Variants in GRM7 observed in about 807,000 individuals in gnomAD.
The protein encoded by GRM7 is glutamate metabotropic receptor 7.
GRM7 carries 35 observed loss-of-function variants against 84.5 expected under a neutral mutation model. The ratio of observed to expected loss-of-function variants is 0.41; its 90% confidence interval spans 0.32 to 0.55. GRM7 has a LOEUF of 0.55. Among genes scored for constraint, GRM7 ranks in the 20% least tolerant of loss-of-function variants. The probability of loss-of-function intolerance (pLI) is 0.19; values close to 1 mark genes in which losing one functional copy is unlikely to be tolerated. For synonymous variants in GRM7, 487 were observed against 455.1 expected (o/e 1.07, Z -0.89); for missense variants, 1,003 against 1,194.6 (o/e 0.84, Z 2.36).
At chr3:7,003,418 A>C (rs1228613972) in intron 1 of GRM7, among the ~76,000 whole-genome samples, 1 of 152,122 alleles carries the variant, frequency 6.6e-6, no homozygotes, top group Non-Finnish European at 1.5e-5. Context: ...TTGTAAAAAA[A>C]AAAAGTTTTA....
intron 2 of GRM7, among the ~76,000 whole-genome samples, chr3:7,153,479 C>G (rs1020840267): frequency 9.9e-5 from 15 of 152,060 alleles, no homozygotes; most frequent in African/African-American, 3.6e-4. Flanking sequence ...TTTCAACACT[C>G]GATACCCAGA....
intron 8 of GRM7, among the ~76,000 whole-genome samples, chr3:7,654,876 T>A (rs1367266856): frequency 6.6e-6 from 1 of 152,238 alleles, no homozygotes; most frequent in Non-Finnish European, 1.5e-5. Flanking sequence ...CCCACACATA[T>A]ATTTTACTTC....
At chr3:6,965,988 T>A (rs966226483) in intron 1 of GRM7, among the ~76,000 whole-genome samples, 9 of 152,158 alleles carry the variant, frequency 5.9e-5, no homozygotes, top group Non-Finnish European at 1.2e-4. Flanking sequence ...ACCCTATCCT[T>A]TGTGCCAAGG....
chr3:7,006,590 C>T (rs1225223038), intron 1 of GRM7, among the ~76,000 whole-genome samples: 1 of 152,168 alleles, frequency 6.6e-6, no homozygotes, highest in Non-Finnish European at 1.5e-5. Flanking sequence ...AATCCTTTTT[C>T]TCCTTTCTTA....
chr3:7,403,831 G>GGATAGATAGATA (rs537042589), intron 4 of GRM7, among the ~76,000 whole-genome samples: 84 of 150,880 alleles, frequency 5.6e-4, no homozygotes, highest in Admixed American at 2.7e-3. Flanking sequence ...GTGGATGGAT[G>GGATAGATAGATA]GATAGATAGA....
At chr3:7,011,120 A>T (rs1695354319) in intron 1 of GRM7, among the ~76,000 whole-genome samples, 1 of 152,156 alleles carries the variant, frequency 6.6e-6, no homozygotes, top group African/African-American at 2.4e-5. Context: ...TGGATCTCTT[A>T]CCTGACAAAA....
At chr3:7,440,913 C>G (rs1310738769) in intron 5 of GRM7, among the ~76,000 whole-genome samples, 1 of 152,084 alleles carries the variant, frequency 6.6e-6, no homozygotes, top group Non-Finnish European at 1.5e-5. Context: ...AAATACAAGT[C>G]AATGCCATGT....
Position 7,667,289 on chromosome 3 carries a change from A to G in GRM7, c.2452-12760A>G, listed in dbSNP as rs868860631. ...TCTGTTAAAAAAAAAAAAGAGAGAG[A>G]GAGAGAGAGAAAAGATAAGCATCTA... On this transcript the variant is annotated intron_variant, in intron 8 of 9. Transcript: ENST00000357716. 1.5e-4 allele frequency among the ~76,000 whole-genome samples: 23 copies of G among 149,882 alleles called. No homozygotes were observed. The South Asian group carries it at 3.8e-3, about 25-fold the overall frequency.
At chr3:7,489,971 T>A (rs964412363) in intron 7 of GRM7, among the ~76,000 whole-genome samples, 2 of 151,814 alleles carry the variant, frequency 1.3e-5, no homozygotes, top group African/African-American at 4.8e-5. Flanking sequence ...AAAATATGTA[T>A]ATACCCTCTA....
At chr3:7,693,144 TTGA>T (rs1228813562) in intron 9 of GRM7, among the ~76,000 whole-genome samples, 2 of 152,156 alleles carry the variant, frequency 1.3e-5, no homozygotes, top group Non-Finnish European at 2.9e-5. Flanking sequence ...TTGAAATCCA[TTGA>T]TGATCATATT....
At chr3:7,590,397 TC>T (rs1467425871) in intron 8 of GRM7, among the ~76,000 whole-genome samples, 1 of 152,142 alleles carries the variant, frequency 6.6e-6, no homozygotes, top group Non-Finnish European at 1.5e-5. Context: ...CCTCATCCAT[TC>T]ATCTACGTAC....
intron 1 of GRM7, among the ~76,000 whole-genome samples, chr3:7,102,475 G>A (rs1022308550): frequency 6.6e-6 from 1 of 151,628 alleles, no homozygotes; most frequent in African/African-American, 2.4e-5. Context: ...TTTGGTTTTC[G>A]GGAGTTTGGC....
At position 6,862,993 on chromosome 3, in the gene GRM7, C is replaced by A. The variant is rs1220686317; in HGVS notation, c.519+1086C>A. The A allele has an allele frequency of 2.2e-6, 1 of 456,442 alleles. No individual in the cohort carries two copies. The highest frequency in any genetic ancestry group is 2.0e-5 in the African/African-American group (1 of 50,084). The allele number at this position is 456,442 out of a possible 1,614,324, so 28.3% of individuals were successfully genotyped here. ...CAGCCTCTGCCCCATGGCTCCTGAG[C>A]TGCACTGGGTAGGAATGAGTGGCTT... On this transcript the variant is annotated intron_variant, in intron 1 of 9. Coordinates refer to ENST00000357716, the MANE Select transcript of GRM7 (RefSeq NM_000844.4). This position sits in a 1 kb window ranked among gnomAD's most constrained non-coding sequence, Gnocchi z 5.2.
In GRM7 at chr3:7,449,808, G is replaced by A. The variant is rs185959971; in HGVS notation, c.1175-2799G>A. On this transcript the variant is annotated intron_variant, in intron 5 of 9. Coordinates refer to ENST00000357716, the MANE Select transcript of GRM7 (RefSeq NM_000844.4). ...TTTCTCACATTGCATAACAAAATAC[G>A]TTCCAAGTGAGTCAAATATTTAACT... is the stretch of plus-strand genomic sequence containing the variant. Among the ~76,000 whole-genome samples the A allele has an allele frequency of 7.2e-5, 11 of 152,150 alleles. No individual in the cohort carries two copies. The East Asian group carries it at 1.3e-3, about 19-fold the overall frequency.
At chr3:7,037,131 G>A (rs1304111407) in intron 1 of GRM7, among the ~76,000 whole-genome samples, 1 of 152,144 alleles carries the variant, frequency 6.6e-6, no homozygotes, top group African/African-American at 2.4e-5. Flanking sequence ...TTAAACAGCT[G>A]TATGAGGTTT....
At chr3:7,363,070 T>C (rs1693737580) in intron 4 of GRM7, among the ~76,000 whole-genome samples, 1 of 152,016 alleles carries the variant, frequency 6.6e-6, no homozygotes, top group Non-Finnish European at 1.5e-5. Flanking sequence ...TGCAGTGAGC[T>C]ATATGATCAC....
At chr3:7,520,210 CG>C (rs1196287359) in intron 7 of GRM7, 2 of 152,060 alleles carry the variant, frequency 1.3e-5, no homozygotes, top group Non-Finnish European at 2.9e-5. Context: ...GCATGTGGAA[CG>C]GGCCATTGTT....
rs193023870 is a variant in GRM7 at position 7,602,340 on chromosome 3, A to G, written c.2451+22983A>G. Among the ~76,000 whole-genome samples, 48 of 152,274 alleles carry G rather than the reference A, an allele frequency of 3.2e-4. No individual in the cohort carries two copies. The East Asian group carries it at 6.8e-3, about 21-fold the overall frequency. On this transcript the variant is annotated intron_variant, in intron 8 of 9. Coordinates refer to ENST00000357716, the MANE Select transcript of GRM7 (RefSeq NM_000844.4). ...TTACAACCTGTGAAATAAAGGCTGT[A>G]GAATGAACACCAAAATTTAACACAG...
At chr3:7,668,485 T>C (rs542632926) in intron 8 of GRM7, among the ~76,000 whole-genome samples, 1 of 152,340 alleles carries the variant, frequency 6.6e-6, no homozygotes, top group African/African-American at 2.4e-5. Context: ...TTTACGCACA[T>C]GTACACATTT....
Sources: gnomAD v4.1 joint callset for allele counts (sites outside exome capture counted in the v4.1 genomes callset) on GRCh38, gnomAD v4.1.1 for gene constraint, Gnocchi (gnomAD v3.1) non-coding constraint, MANE v1.5 for transcripts, NCBI Gene and HGNC (gene_info 2026-07-23, HGNC 2026-07-21) for gene names.